MYO5B: variants seen among roughly 807,000 people sequenced by gnomAD.
MYO5B encodes the protein myosin VB.
In MYO5B, 143 loss-of-function variants were observed where a neutral mutation model predicts 229.3. The ratio of observed to expected loss-of-function variants is 0.62; its 90% CI spans 0.54 to 0.72. MYO5B has a LOEUF of 0.72. Ranked by LOEUF, MYO5B falls within the 30% of genes least tolerant of loss-of-function variation. The probability of loss-of-function intolerance (pLI) is 0.00; values close to 1 mark genes in which losing one functional copy is unlikely to be tolerated. For missense variants in MYO5B, 2,321 were observed against 2,331.0 expected (o/e 1.00, Z 0.09); for synonymous variants, 918 against 885.2 (o/e 1.04, Z -0.66).
Position 49,899,676 on chromosome 18 carries a change from T to TA in MYO5B, c.2811+2917dup, listed in dbSNP as rs147769840. 6.3e-3 allele frequency among the ~76,000 whole-genome samples: 956 copies of TA among 152,352 alleles called. 17 individuals are homozygous for TA. Among genetic ancestry groups the TA allele is most frequent in the African/African-American group, 0.022 (921 of 41,576 alleles). The stretch of plus-strand genomic sequence containing the variant: ...CTGTGTGCCTCAGTTTCTTCATCCT[T>TA]AAAATGGGAATAATATTAATGTTTA... On this transcript the variant is annotated intron_variant, in intron 21 of 39. Transcript: ENST00000285039.
At chr18:49,878,914 T>A in intron 24 of MYO5B, 31 bp downstream of exon 24, 1 of 1,613,654 alleles carries the variant, frequency 6.2e-7, no homozygotes, top group Non-Finnish European at 8.5e-7. Context: ...CAGGGACCTG[T>A]GCCATGGCAC....
At chr18:50,041,183 T>C (rs967586333) in intron 2 of MYO5B, among the ~76,000 whole-genome samples, 2 of 152,170 alleles carry the variant, frequency 1.3e-5, no homozygotes, top group African/African-American at 4.8e-5. Context: ...CCAACCTACT[T>C]ATCAGGAATT....
At chr18:50,018,306 G>GC (rs2026238368) in intron 4 of MYO5B, among the ~76,000 whole-genome samples, 1 of 108,490 alleles carries the variant, frequency 9.2e-6, no homozygotes, top group African/African-American at 3.0e-5. Flanking sequence ...TTTTTTGCTT[G>GC]ATGATACAGT....
intron 31 of MYO5B, chr18:49,851,030 A>G (rs916605311): frequency 1.3e-5 from 2 of 152,226 alleles, no homozygotes; most frequent in South Asian, 2.1e-4. Context: ...CAAATCCACA[A>G]GATAAAGCAT....
In MYO5B at chr18:49,864,524, T is replaced by C. The variant is rs377431757; in HGVS notation, c.3604-144A>G. On this transcript the variant is annotated intron_variant, in intron 27 of 39. Coordinates refer to ENST00000285039, the MANE Select transcript of MYO5B (RefSeq NM_001080467.3). ...CACACATGGAAAGTTCTGACTGCCATCAGCAAGCAGTCAAAGCTGGGGCCT... is the reference window on the plus strand; with the variant it reads ...CACACATGGAAAGTTCTGACTGCCACCAGCAAGCAGTCAAAGCTGGGGCCT... 276 of 1,192,244 alleles carry C rather than the reference T, an allele frequency of 2.3e-4. 2 individuals are homozygous for C. In the South Asian group the frequency reaches 2.5e-3, roughly 11 times the overall value. The allele number at this position is 1,192,244 out of a possible 1,614,324, so 73.9% of individuals were successfully genotyped here.
chr18:49,852,023 C>A (rs1311392701), intron 31 of MYO5B, among the ~76,000 whole-genome samples: 2 of 152,198 alleles, frequency 1.3e-5, no homozygotes, highest in African/African-American at 4.8e-5. Context: ...CGGCCAGCAG[C>A]ACAGGCCCCT....
chr18:49,964,219 A>C (rs948476228), intron 10 of MYO5B, among the ~76,000 whole-genome samples: 1 of 152,036 alleles, frequency 6.6e-6, no homozygotes, highest in Non-Finnish European at 1.5e-5. Context: ...TTATGACCCC[A>C]CCTCCAGCCT....
chr18:49,955,435 A>G (rs1303101573), intron 12 of MYO5B, among the ~76,000 whole-genome samples: 1 of 152,210 alleles, frequency 6.6e-6, no homozygotes, highest in African/African-American at 2.4e-5. Context: ...TCCAGTCCTC[A>G]GTGACGGGTC....
At chr18:49,930,936 G>C (rs1339167303) in intron 16 of MYO5B, among the ~76,000 whole-genome samples, 2 of 150,910 alleles carry the variant, frequency 1.3e-5, no homozygotes, top group African/African-American at 4.8e-5. Flanking sequence ...CAGAGAGCAA[G>C]ACATCACCAT....
intron 1 of MYO5B, among the ~76,000 whole-genome samples, chr18:50,140,008 A>G (rs2032393628): frequency 6.8e-6 from 1 of 146,698 alleles, no homozygotes; most frequent in Non-Finnish European, 1.5e-5. Context: ...TCTTAAAATT[A>G]CAAACAACCT....
intron 18 of MYO5B, among the ~76,000 whole-genome samples, chr18:49,909,269 C>T (rs1243066610): frequency 6.6e-6 from 1 of 152,160 alleles, no homozygotes; most frequent in Non-Finnish European, 1.5e-5. Context: ...ATAGAAGACC[C>T]CAGGGAAATC....
chr18:49,826,572 G>A lies in MYO5B; in HGVS notation c.5446C>T (p.His1816Tyr). 6.2e-7 allele frequency: 1 copy of A among 1,613,984 alleles called. No individual in the cohort carries two copies. Among genetic ancestry groups the A allele is most frequent in the East Asian group, 2.2e-5 (1 of 44,878 alleles). Residue 1816 changes from histidine to tyrosine, a missense_variant, in exon 40 of 40, where the codon CAC (histidine) becomes TAC (tyrosine). Coordinates refer to ENST00000285039, the MANE Select transcript of MYO5B (RefSeq NM_001080467.3). ...DPQQLLLDAK[H>Y]MFPVLFPFNP... is the part of the protein sequence containing the mutation. ...AATGGAAACAAAACAGGAAACATGTGCTTGGCATCTAATAGCAGTTGCTGA... is the reference window on the plus strand; with the variant it reads ...AATGGAAACAAAACAGGAAACATGTACTTGGCATCTAATAGCAGTTGCTGA...
intron 1 of MYO5B, among the ~76,000 whole-genome samples, chr18:50,125,667 T>C (rs2032149768): frequency 6.6e-6 from 1 of 152,168 alleles, no homozygotes; most frequent in Non-Finnish European, 1.5e-5. Flanking sequence ...TCTAGGAATG[T>C]AACTGAGAGA....
At chr18:50,084,321 A>G (rs745832812) in intron 1 of MYO5B, among the ~76,000 whole-genome samples, 2 of 151,880 alleles carry the variant, frequency 1.3e-5, no homozygotes, top group Non-Finnish European at 2.9e-5. Flanking sequence ...CATTTTTACT[A>G]CTCTCTCTAG....
chr18:49,944,847 C>A (rs1434233527), intron 14 of MYO5B, among the ~76,000 whole-genome samples: 2 of 152,154 alleles, frequency 1.3e-5, no homozygotes, highest in Admixed American at 1.3e-4. Flanking sequence ...CAGACAGACA[C>A]CGCCTTCCAC....
intron 22 of MYO5B, among the ~76,000 whole-genome samples, chr18:49,885,385 G>A (rs749091513): frequency 4.6e-5 from 7 of 152,234 alleles, no homozygotes; most frequent in African/African-American, 1.4e-4. Flanking sequence ...AGATGACCAC[G>A]TGGAGCAGAG....
At chr18:50,102,457 G>C (rs2031674081) in intron 1 of MYO5B, among the ~76,000 whole-genome samples, 3 of 152,186 alleles carry the variant, frequency 2.0e-5, no homozygotes, top group African/African-American at 7.2e-5. Context: ...AGAAAAGCCA[G>C]GTAAGGAACC....
At chr18:49,915,984 C>T (rs1200973304) in intron 17 of MYO5B, among the ~76,000 whole-genome samples, 1 of 152,184 alleles carries the variant, frequency 6.6e-6, no homozygotes. Flanking sequence ...CCCCTTGGTC[C>T]CTGTGCTCAC....
intron 34 of MYO5B, 74 bp from the exon 35 acceptor site, chr18:49,841,528 C>T (rs1304542249): frequency 7.6e-7 from 1 of 1,321,128 alleles, no homozygotes; most frequent in Non-Finnish European, 1.1e-6. Context: ...TACCTCTTTC[C>T]CCACATTTCC....
Sources: allele counts gnomAD v4.1 joint callset (sites outside exome capture counted in the v4.1 genomes callset), GRCh38; gene constraint gnomAD v4.1.1; transcripts MANE v1.5; gene names NCBI Gene and HGNC (gene_info 2026-07-23, HGNC 2026-07-21).